RAD50: variants seen among roughly 807,000 people sequenced by gnomAD.
RAD50 encodes DNA repair protein RAD50.
Under a neutral mutation model 168.8 loss-of-function variants are expected in RAD50, and 132 were observed. The ratio of observed to expected loss-of-function variants is 0.78; its 90% CI spans 0.68 to 0.90. The LOEUF (loss-of-function observed/expected upper bound fraction) is 0.90. Among genes scored for constraint, RAD50 ranks in the 40% least tolerant of loss-of-function variants. RAD50 has a pLI of 0.00. For synonymous variants in RAD50, 525 were observed against 497.4 expected (o/e 1.06, Z -0.74); for missense variants, 1,347 against 1,534.4 (o/e 0.88, Z 2.04).
chr5:132,619,591 A>G (rs1751239229), intron 21 of RAD50, among the ~76,000 whole-genome samples: 1 of 151,934 alleles, frequency 6.6e-6, no homozygotes, highest in Non-Finnish European at 1.5e-5. Context: ...ATTGATTTAA[A>G]TGTGTTCTTT....
At chr5:132,611,932 G>C (rs1002268593) in intron 19 of RAD50, among the ~76,000 whole-genome samples, 7 of 152,152 alleles carry the variant, frequency 4.6e-5, no homozygotes, top group Non-Finnish European at 7.4e-5. Flanking sequence ...TATGATTGAA[G>C]CCTGAAGTAA....
rs189242256 is a variant in RAD50, at chr5:132,611,476, C to T, written c.3036+2080C>T. Among the ~76,000 whole-genome samples the T allele has an allele frequency of 3.1e-3, 470 of 152,004 alleles. 4 individuals are homozygous for T. The highest frequency in any genetic ancestry group is 0.011 in the African/African-American group (454 of 41,502). The stretch of plus-strand genomic sequence containing the variant: ...ATCCCAGCACTTTGGGAGGCCAAGG[C>T]GGGCAGATCACGAGGTCAGGAGATC... On this transcript the variant is annotated intron_variant, in intron 19 of 24. Coordinates refer to ENST00000378823, the MANE Select transcript of RAD50 (RefSeq NM_005732.4).
At chr5:132,596,047 G>A (rs565647789) in intron 13 of RAD50, among the ~76,000 whole-genome samples, 1 of 151,720 alleles carries the variant, frequency 6.6e-6, no homozygotes, top group Non-Finnish European at 1.5e-5. Context: ...ACCTAAGCTG[G>A]AGTGCAGTGG....
chr5:132,603,744 A>G (rs1479059252), intron 14 of RAD50, among the ~76,000 whole-genome samples, 176 bp from the exon 15 acceptor site: 3 of 152,182 alleles, frequency 2.0e-5, no homozygotes, highest in Non-Finnish European at 4.4e-5. Context: ...TGTTTACATC[A>G]TTTGAATTGC....
chr5:132,589,027 T>G, intron 8 of RAD50, 147 bp downstream of exon 8: 1 of 810,044 alleles, frequency 1.2e-6, no homozygotes, highest in Non-Finnish European at 2.0e-6. Flanking sequence ...AAACCTTTAT[T>G]GAAGCAAATG....
intron 3 of RAD50, among the ~76,000 whole-genome samples, chr5:132,576,907 G>A (rs2149836778): frequency 6.6e-6 from 1 of 152,346 alleles, no homozygotes; most frequent in Middle Eastern, 3.4e-3. Context: ...TTTTCACTGT[G>A]TGTATCTTAG....
At chr5:132,635,460 A>G (rs540089495) in intron 21 of RAD50, among the ~76,000 whole-genome samples, 3 of 152,208 alleles carry the variant, frequency 2.0e-5, no homozygotes, top group Non-Finnish European at 4.4e-5. Flanking sequence ...TCCGTCCCAC[A>G]GTGGTAGTCA....
At chr5:132,589,937 C>A in intron 9 of RAD50, 100 bp downstream of exon 9, 1 of 1,108,244 alleles carries the variant, frequency 9.0e-7, no homozygotes, top group Non-Finnish European at 1.3e-6. Context: ...TTAATAAAAA[C>A]ATCAACTTTG....
chr5:132,581,670 G>A (rs955901353), intron 5 of RAD50, among the ~76,000 whole-genome samples: 1 of 152,168 alleles, frequency 6.6e-6, no homozygotes, highest in Non-Finnish European at 1.5e-5. Flanking sequence ...GAGAGGAAGA[G>A]TCTGGGTTAA....
At chr5:132,598,208 C>T (rs984984513) in intron 13 of RAD50, among the ~76,000 whole-genome samples, 3 of 151,646 alleles carry the variant, frequency 2.0e-5, no homozygotes, top group African/African-American at 4.9e-5. Context: ...TCACCAGGCT[C>T]GGCTAATTTT....
chr5:132,637,467 A>T (rs984746673), intron 22 of RAD50, among the ~76,000 whole-genome samples: 3 of 150,886 alleles, frequency 2.0e-5, no homozygotes, highest in Non-Finnish European at 4.4e-5. Context: ...TAGTGTAGAT[A>T]GGGATAAGCC....
intron 17 of RAD50, 34 bp from the exon 18 acceptor site, chr5:132,609,083 A>G: frequency 6.2e-7 from 1 of 1,607,342 alleles, no homozygotes; most frequent in Non-Finnish European, 8.5e-7. Flanking sequence ...CCTTAAGTAC[A>G]ACCAGTGTAA....
chr5:132,568,338 C>T (rs1750245017), intron 2 of RAD50, among the ~76,000 whole-genome samples: 1 of 152,052 alleles, frequency 6.6e-6, no homozygotes, highest in Non-Finnish European at 1.5e-5. Context: ...CTGCCTCGGC[C>T]TCCCAAAGTG....
chr5:132,588,928 C>G (rs767870164), intron 8 of RAD50, 48 bp downstream of exon 8: 1 of 1,543,604 alleles, frequency 6.5e-7, no homozygotes, highest in African/African-American at 1.4e-5. Context: ...GCATCATATT[C>G]TCTACTTGAA....
At chr5:132,584,153 A>G (rs1313498974) in intron 5 of RAD50, among the ~76,000 whole-genome samples, 1 of 152,124 alleles carries the variant, frequency 6.6e-6, no homozygotes, top group Non-Finnish European at 1.5e-5. Flanking sequence ...CTCTTTCTCC[A>G]CATCCTCTCC....
At chr5:132,622,909 G>C (rs1351171554) in intron 21 of RAD50, among the ~76,000 whole-genome samples, 1 of 152,110 alleles carries the variant, frequency 6.6e-6, no homozygotes, top group Non-Finnish European at 1.5e-5. Flanking sequence ...CCTGCATGTA[G>C]GGTTTTTGTT....
rs760373328 is a variant in RAD50 at position 132,595,627 on chromosome 5, A to G, written c.2024A>G (p.Asp675Gly). 13 of 1,614,070 alleles carry G rather than the reference A, an allele frequency of 8.1e-6. No homozygotes were observed. Among genetic ancestry groups the G allele is most frequent in the Non-Finnish European group, 1.1e-5 (13 of 1,180,012 alleles). ...TCCCAGTTCATTACTCAGCTAACAGACGAAAACCAGTCATGTTGCCCCGTT... is the reference window on the plus strand; with the variant it reads ...TCCCAGTTCATTACTCAGCTAACAGGCGAAAACCAGTCATGTTGCCCCGTT... Reference protein sequence around the residue: ...VYSQFITQLTDENQSCCPVCQ... With the variant: ...VYSQFITQLTGENQSCCPVCQ... Residue 675 changes from aspartate (D) to glycine (G), a missense_variant, in exon 13 of 25, where the codon GAC becomes GGC. Coordinates refer to ENST00000378823, the MANE Select transcript of RAD50 (RefSeq NM_005732.4).
At chr5:132,587,538 T>C in intron 5 of RAD50, 24 bp from the exon 6 acceptor site, 1 of 1,610,844 alleles carries the variant, frequency 6.2e-7, no homozygotes, top group African/African-American at 1.3e-5. Flanking sequence ...GAGTTTTATT[T>C]ATGTAATGTT....
At chr5:132,618,618 TC>T (rs1751221203) in intron 21 of RAD50, among the ~76,000 whole-genome samples, 1 of 152,174 alleles carries the variant, frequency 6.6e-6, no homozygotes, top group Non-Finnish European at 1.5e-5. Flanking sequence ...CCTGAGGTGA[TC>T]CACCCGCCTC....
Sources: allele counts gnomAD v4.1 joint callset (sites outside exome capture counted in the v4.1 genomes callset), GRCh38; gene constraint gnomAD v4.1.1; transcripts MANE v1.5; gene names NCBI Gene and HGNC (gene_info 2026-07-23, HGNC 2026-07-21).